Variants in TERF1 observed in about 807,000 individuals in gnomAD.
TERF1 encodes telomeric repeat-binding factor 1.
In TERF1, 20 loss-of-function variants were observed where a neutral mutation model predicts 55.1. The ratio of observed to expected loss-of-function variants is 0.36; its 90% CI spans 0.26 to 0.53. The LOEUF (loss-of-function observed/expected upper bound fraction) is 0.53. Among genes scored for constraint, TERF1 ranks in the 20% least tolerant of loss-of-function variants. The pLI is 0.91. For missense variants in TERF1, 439 were observed against 535.7 expected (o/e 0.82, Z 1.78); for synonymous variants, 168 against 181.2 (o/e 0.93, Z 0.59).
In TERF1 at chr8:73,008,945, A is replaced by G. The variant is rs1448063146; in HGVS notation, c.59A>G (p.Asp20Gly). Reference sequence around the variant, plus strand: ...CCGCGGGGCTGTGCGGATGGTAGGGATGCCGACCCTACTGAGGAGCAGATG... The same window carrying G: ...CCGCGGGGCTGTGCGGATGGTAGGGGTGCCGACCCTACTGAGGAGCAGATG... ...PSPRGCADGR[D>G]ADPTEEQMAE... Residue 20 changes from aspartate (D) to glycine (G), a missense_variant, in exon 1 of 10, where the codon GAT becomes GGT. By Grantham distance (94) the Asp-to-Gly change is moderately conservative. Transcript: ENST00000276603. 4 of 1,612,838 alleles carry G rather than the reference A, an allele frequency of 2.5e-6. No individual in the cohort carries two copies. Among genetic ancestry groups the G allele is most frequent in the Admixed American group, 1.7e-5 (1 of 59,912 alleles).
chr8:73,015,945 C>A (rs16938551), intron 2 of TERF1, among the ~76,000 whole-genome samples: 2,377 of 152,142 alleles, frequency 0.016, 57 homozygotes, highest in African/African-American at 0.055. Context: ...ACTATGTCAA[C>A]AAGTAGTCAG....
intron 8 of TERF1, among the ~76,000 whole-genome samples, chr8:73,035,006 CAT>C (rs766863758): frequency 3.9e-5 from 6 of 152,082 alleles, no homozygotes; most frequent in African/African-American, 1.4e-4. Context: ...CATCAAGTTA[CAT>C]ATGTTACTTT....
chr8:73,008,974 G>A lies in TERF1; in HGVS notation c.88G>A (p.Glu30Lys), dbSNP rs757192129. The A allele has an allele frequency of 3.1e-6, 5 of 1,612,636 alleles. No individual in the cohort carries two copies. Residue 30 changes from glutamate to lysine, a missense_variant, in exon 1 of 10, where the codon GAA (glutamate) becomes AAA (lysine). Physicochemically the swap from Glu to Lys is moderately conservative, Grantham distance 56 (BLOSUM62 1). Around this residue, in one of 4 missense-constraint regions of TERF1, gnomAD observed 179 missense variants for 152.6 expected, o/e 1.17. Transcript: ENST00000276603. ...CGACCCTACTGAGGAGCAGATGGCA[G>A]AAACAGAGAGAAACGACGAGGAGCA... The part of the protein sequence containing the change: ...DADPTEEQMA[E>K]TERNDEEQFE...
chr8:73,037,861 TATGATATATAATATATATAAATATG>T (rs1183603217), intron 8 of TERF1, among the ~76,000 whole-genome samples: 11 of 110,084 alleles, frequency 1.0e-4, no homozygotes, highest in African/African-American at 3.8e-4. Flanking sequence ...AATATATAAA[TATGATATATAATATATATAAATATG>T]ATATATAATA....
intron 1 of TERF1, chr8:73,009,754 G>A: frequency 6.5e-6 from 1 of 153,396 alleles, no homozygotes; most frequent in South Asian, 2.0e-4. Flanking sequence ...CCAAGAGGCA[G>A]AGGTTGCAGT....
chr8:73,039,138 C>T lies in TERF1; in HGVS notation c.1062C>T (p.Ser354=), dbSNP rs755704835. 6.3e-7 allele frequency: 1 copy of T among 1,591,452 alleles called. No homozygotes were observed. The highest frequency in any genetic ancestry group is 8.5e-7 in the Non-Finnish European group (1 of 1,170,862). Residue 354 remains serine (S), a synonymous_variant, in exon 9 of 10, where the codon AGC becomes AGT. Coordinates refer to ENST00000276603, the MANE Select transcript of TERF1 (RefSeq NM_017489.3). ...TPQSTKKKKE[S]RRATESRIPV... is the part of the protein sequence containing the mutation. ...TAGGTACAAAAAAGAAAAAAGAAAG[C>T]AGAAGAGCCACTGAAAGCAGAATAC...
chr8:73,020,898 AAATTT>A (rs1276939527), intron 3 of TERF1, 93 bp downstream of exon 3: 38 of 808,936 alleles, frequency 4.7e-5, no homozygotes, highest in Non-Finnish European at 6.6e-5. Flanking sequence ...AGCAGTAGTA[AAATTT>A]AATGTATTGT....
At chr8:73,038,915 A>G in intron 8 of TERF1, 7 of 500,490 alleles carry the variant, frequency 1.4e-5, no homozygotes, top group Non-Finnish European at 2.2e-5. Flanking sequence ...AAGAATCAAG[A>G]CTCAAAACAC....
chr8:73,037,997 A>G (rs571005104), intron 8 of TERF1, among the ~76,000 whole-genome samples: 1 of 144,732 alleles, frequency 6.9e-6, no homozygotes, highest in East Asian at 2.0e-4. Context: ...GGTTGGTTGA[A>G]TCCACAGATG....
At chr8:73,042,313 A>G (rs1019301215) in intron 9 of TERF1, among the ~76,000 whole-genome samples, 1 of 152,216 alleles carries the variant, frequency 6.6e-6, no homozygotes, top group African/African-American at 2.4e-5. Flanking sequence ...CAGTGATAAT[A>G]TCTATCACCA....
Position 73,013,920 on chromosome 8 carries a change from A to T in TERF1, c.345A>T (p.Leu115=), listed in dbSNP as rs1450182750. 6.2e-7 allele frequency: 1 copy of T among 1,611,142 alleles called. No homozygotes were observed. Among genetic ancestry groups the T allele is most frequent in the South Asian group, 1.1e-5 (1 of 90,740 alleles). The change falls in exon 2 of 10, where the codon CTA becomes CTT. Residue 115 remains leucine, a synonymous_variant. Transcript: ENST00000276603. ...AEAIIHGLSS[L]TACQLRTIYI... is the part of the protein sequence containing the mutation. ...CTATTATTCATGGACTATCCAGTCTAACAGCTTGCCAGTTGAGAACGATAT... is the reference window on the plus strand; with the variant it reads ...CTATTATTCATGGACTATCCAGTCTTACAGCTTGCCAGTTGAGAACGATAT...
intron 7 of TERF1, 124 bp from the exon 8 acceptor site, chr8:73,031,918 C>T: frequency 1.7e-6 from 1 of 584,224 alleles, no homozygotes; most frequent in Non-Finnish European, 2.9e-6. Flanking sequence ...GGGAGAGCAC[C>T]AAAGGAAGTA....
chr8:73,027,962 AG>A, intron 6 of TERF1, among the ~76,000 whole-genome samples: 1 of 152,170 alleles, frequency 6.6e-6, no homozygotes, highest in Non-Finnish European at 1.5e-5. Context: ...CTTGTTCCTC[AG>A]GGGTTCATCT....
At chr8:73,035,365 T>A (rs1809468089) in intron 8 of TERF1, among the ~76,000 whole-genome samples, 1 of 152,186 alleles carries the variant, frequency 6.6e-6, no homozygotes, top group Non-Finnish European at 1.5e-5. Flanking sequence ...TCCAAATATC[T>A]TTCTGTTACT....
At chr8:73,019,713 A>C (rs1288320323) in intron 2 of TERF1, among the ~76,000 whole-genome samples, 1 of 152,080 alleles carries the variant, frequency 6.6e-6, no homozygotes, top group Non-Finnish European at 1.5e-5. Flanking sequence ...TTTGAACATC[A>C]AACTCCTCCT....
intron 1 of TERF1, 45 bp from the exon 2 acceptor site, chr8:73,013,850 G>A: frequency 7.7e-7 from 1 of 1,299,584 alleles, no homozygotes. Context: ...TGGCACTACT[G>A]GATCAAGTTT....
rs1810064280 is a variant in TERF1, at chr8:73,047,002, C to T, written c.*865C>T. The T allele has an allele frequency of 6.6e-6, 1 of 151,994 alleles. No homozygotes were observed. Among genetic ancestry groups the T allele is most frequent in the Non-Finnish European group, 1.5e-5 (1 of 68,016 alleles). The allele number at this position is 151,994 out of a possible 1,614,324, so 9.4% of individuals were successfully genotyped here. A position where few individuals can be genotyped will look rare whatever the true frequency, so the allele number is the denominator to read the frequency against. On this transcript the variant is annotated 3_prime_UTR_variant, in exon 10 of 10. Transcript: ENST00000276603. ...TTGAAAATAGTAATACCTGAGTACC[C>T]ATGGGAATAATAGACACTGGGGAGG...
chr8:73,010,137 G>A (rs774598850), intron 1 of TERF1: 10 of 152,262 alleles, frequency 6.6e-5, no homozygotes, highest in Non-Finnish European at 1.3e-4. Context: ...TACTGTGCAA[G>A]TATATATTTA....
chr8:73,028,571 ATTTTTTT>A lies in TERF1; in HGVS notation c.887+1537_887+1543del, dbSNP rs59423351. Reference sequence around the variant, plus strand: ...GGCTTATAAAGCCTTACGTAGACCCATTTTTTTTTTTTTTTTTTTTTTTTACATACAG... The same window carrying A: ...GGCTTATAAAGCCTTACGTAGACCCATTTTTTTTTTTTTTTTTACATACAG... On this transcript the variant is annotated intron_variant, in intron 6 of 9. Transcript: ENST00000276603. 1.8e-4 allele frequency among the ~76,000 whole-genome samples: 19 copies of A among 104,418 alleles called. No individual in the cohort carries two copies. The South Asian group carries it at 5.5e-3, about 30-fold the overall frequency. 68.5% of individuals were successfully genotyped at this position (104,418 alleles called of 152,430 possible).
Sources: gnomAD v4.1 joint callset for allele counts (sites outside exome capture counted in the v4.1 genomes callset) on GRCh38, gnomAD v4.1.1 for gene constraint, gnomAD v4.1.1 regional missense constraint, MANE v1.5 for transcripts, NCBI Gene and HGNC (gene_info 2026-07-23, HGNC 2026-07-21) for gene names.